The following C12orf75 variants were observed in gnomAD, a reference collection of about 807,000 sequenced individuals.
C12orf75 encodes overexpressed in colon carcinoma 1 protein.
A neutral mutation model predicts 11.4 loss-of-function variants in C12orf75; 4 were observed. The ratio of observed to expected loss-of-function variants is 0.35; its 90% confidence interval spans 0.17 to 0.80. C12orf75 has a LOEUF of 0.80. Ranked by LOEUF, C12orf75 falls within the 30% of genes least tolerant of loss-of-function variation. C12orf75 has a pLI of 0.52. For missense variants in C12orf75, 89 were observed against 80.4 expected (o/e 1.11, Z -0.41); for synonymous variants, 30 against 30.0 (o/e 1.00, Z 0.00).
chr12:105,348,509 C>A, intron 1 of C12orf75, 93 bp from the exon 2 acceptor site: 1 of 753,632 alleles, frequency 1.3e-6, no homozygotes, highest in Non-Finnish European at 1.9e-6. Context: ...ATTTTCTCTT[C>A]AGGAATATTA....
intron 5 of C12orf75, 61 bp from the exon 6 acceptor site, chr12:105,370,572 AT>A (rs1216381047): frequency 4.4e-6 from 2 of 457,358 alleles, no homozygotes; most frequent in Non-Finnish European, 8.8e-6. Context: ...AGGCTAATAC[AT>A]TTTTTAACCT....
At chr12:105,367,444 TTTAAC>T (rs1198245833) in intron 4 of C12orf75, 23 bp from the exon 5 acceptor site, 2 of 772,382 alleles carry the variant, frequency 2.6e-6, no homozygotes, top group Admixed American at 5.6e-5. Context: ...AATCTGAACA[TTTAAC>T]TTTTCTTAAT....
At chr12:105,345,231 G>A (rs146613226) in intron 1 of C12orf75, among the ~76,000 whole-genome samples, 1 of 152,254 alleles carries the variant, frequency 6.6e-6, no homozygotes, top group Non-Finnish European at 1.5e-5. Context: ...GCTCATGTCT[G>A]TAACCCTAAC....
chr12:105,337,499 C>A (rs1450300188), intron 1 of C12orf75, among the ~76,000 whole-genome samples: 1 of 152,104 alleles, frequency 6.6e-6, no homozygotes, highest in East Asian at 1.9e-4. Context: ...GGAATTGGAA[C>A]AATTGATTGG....
intron 2 of C12orf75, among the ~76,000 whole-genome samples, chr12:105,351,261 C>T (rs1459701957): frequency 6.6e-6 from 1 of 151,732 alleles, no homozygotes; most frequent in Non-Finnish European, 1.5e-5. Context: ...AGACTGATTC[C>T]CAAACCAGAA....
Position 105,370,643 on chromosome 12 carries a change from C to T in C12orf75, c.*43C>T, listed in dbSNP as rs1334021152. 1 of 457,532 alleles carries T rather than the reference C, an allele frequency of 2.2e-6. No homozygotes were observed. The highest frequency in any genetic ancestry group is 2.0e-5 in the African/African-American group (1 of 50,086). The allele number at this position is 457,532 out of a possible 1,614,324, so 28.3% of individuals were successfully genotyped here. A position where few individuals can be genotyped will look rare whatever the true frequency, so the allele number is the denominator to read the frequency against. On this transcript the variant is annotated 3_prime_UTR_variant, in exon 6 of 6. Coordinates refer to ENST00000443585, the MANE Select transcript of C12orf75 (RefSeq NM_001145199.2). ...TCTGTTGTCTCCTTAGCTTGCTCAT[C>T]AGTTTGGAAGGAATTTGGCTCCGTG...
intron 1 of C12orf75, among the ~76,000 whole-genome samples, chr12:105,339,040 A>G (rs145774593): frequency 6.6e-6 from 1 of 152,232 alleles, no homozygotes; most frequent in East Asian, 1.9e-4. Context: ...TTCCTCCATT[A>G]TTTGAAGAAA....
chr12:105,349,164 A>G (rs1254028834), intron 2 of C12orf75, among the ~76,000 whole-genome samples: 1 of 152,250 alleles, frequency 6.6e-6, no homozygotes, highest in Non-Finnish European at 1.5e-5. Flanking sequence ...TCTGGAGCTC[A>G]GGAGCATTCA....
At chr12:105,355,168 CTTTTTCTTTTTCTTTTT>C (rs1892761447) in intron 2 of C12orf75, among the ~76,000 whole-genome samples, 1 of 74,226 alleles carries the variant, frequency 1.3e-5, no homozygotes, top group Admixed American at 1.3e-4. Context: ...ATTTCTTTTT[CTTTTTCTTTTTCTTTTT>C]TTTTTTCAGA....
At chr12:105,332,735 TA>T (rs34772007) in intron 1 of C12orf75, among the ~76,000 whole-genome samples, 63,861 of 138,624 alleles carry the variant, frequency 0.46, 14,568 homozygotes, top group Non-Finnish European at 0.51. Context: ...CCGCTCCATC[TA>T]AAAAAAAAAA....
At chr12:105,364,837 CTTTTTTTTTT>C (rs71440583) in intron 2 of C12orf75, among the ~76,000 whole-genome samples, 6 of 125,698 alleles carry the variant, frequency 4.8e-5, no homozygotes, top group African/African-American at 1.8e-4. Flanking sequence ...ATATGGACTC[CTTTTTTTTTT>C]TTTTTTTTTT....
At chr12:105,340,821 T>C (rs888803745) in intron 1 of C12orf75, among the ~76,000 whole-genome samples, 25 of 152,030 alleles carry the variant, frequency 1.6e-4, no homozygotes, top group African/African-American at 5.8e-4. Flanking sequence ...AGACACAAGA[T>C]GAGAAGACGG....
At chr12:105,351,871 G>A (rs1452830635) in intron 2 of C12orf75, among the ~76,000 whole-genome samples, 2 of 151,974 alleles carry the variant, frequency 1.3e-5, no homozygotes, top group African/African-American at 4.8e-5. Context: ...ATGCATTCAA[G>A]GGCTGATAGA....
rs75785641 is a variant in C12orf75, at chr12:105,363,133, A to G, written c.72-2674A>G. Among the ~76,000 whole-genome samples the G allele has an allele frequency of 7.6e-4, 115 of 152,286 alleles. No homozygotes were observed. In the East Asian group the frequency reaches 0.02, roughly 26 times the overall value. ...TTGGTGCCAGATGGATGGGGTATGGATGTTGGTCATGCTTGTTAGTCTTGT... is the reference window on the plus strand; with the variant it reads ...TTGGTGCCAGATGGATGGGGTATGGGTGTTGGTCATGCTTGTTAGTCTTGT... On this transcript the variant is annotated intron_variant, in intron 2 of 5. Coordinates refer to ENST00000443585, the MANE Select transcript of C12orf75 (RefSeq NM_001145199.2).
intron 2 of C12orf75, among the ~76,000 whole-genome samples, chr12:105,349,238 C>T (rs186536272): frequency 6.0e-4 from 91 of 152,292 alleles, no homozygotes; most frequent in African/African-American, 2.0e-3. Flanking sequence ...AAGGACACTA[C>T]AGCAGTTCAC....
chr12:105,332,882 CTT>C (rs1203343432), intron 1 of C12orf75, among the ~76,000 whole-genome samples: 1 of 149,398 alleles, frequency 6.7e-6, no homozygotes, highest in African/African-American at 2.5e-5. Flanking sequence ...ATTTGATTGA[CTT>C]TTTCCCTAGG....
chr12:105,346,514 G>T (rs1200724132), intron 1 of C12orf75, among the ~76,000 whole-genome samples: 1 of 151,874 alleles, frequency 6.6e-6, no homozygotes, highest in African/African-American at 2.4e-5. Flanking sequence ...TTTTTCCTGT[G>T]TTAAGATTTT....
intron 1 of C12orf75, among the ~76,000 whole-genome samples, chr12:105,337,657 T>A (rs976547335): frequency 1.3e-5 from 2 of 152,212 alleles, no homozygotes; most frequent in African/African-American, 4.8e-5. Flanking sequence ...GGTCTTTAGG[T>A]TTCACAATAC....
intron 5 of C12orf75, among the ~76,000 whole-genome samples, chr12:105,369,752 T>G (rs931275937): frequency 6.6e-6 from 1 of 152,238 alleles, no homozygotes; most frequent in African/African-American, 2.4e-5. Context: ...GGTCTTTCTG[T>G]AGCCTCCTTT....
Sources: gnomAD v4.1 joint callset for allele counts (sites outside exome capture counted in the v4.1 genomes callset) on GRCh38, gnomAD v4.1.1 for gene constraint, MANE v1.5 for transcripts, NCBI Gene and HGNC (gene_info 2026-07-23, HGNC 2026-07-21) for gene names.